XPNPEP3: variants seen among roughly 807,000 people sequenced by gnomAD.
XPNPEP3 encodes the protein X-prolyl aminopeptidase 3.
XPNPEP3 carries 41 observed loss-of-function variants against 60.0 expected under a neutral mutation model. That is an observed-to-expected ratio of 0.68 (90% confidence interval 0.53 to 0.89). XPNPEP3 has a LOEUF of 0.89. Among genes scored for constraint, XPNPEP3 ranks in the 40% least tolerant of loss-of-function variants. XPNPEP3 has a pLI of 0.00. For synonymous variants in XPNPEP3, 212 were observed against 223.2 expected, an observed-to-expected ratio of 0.95 and a Z score of 0.45; for missense variants, 598 against 638.9, an observed-to-expected ratio of 0.94 and a Z score of 0.69.
chr22:40,922,607 C>A, intron 8 of XPNPEP3, 94 bp downstream of exon 8: 1 of 1,436,752 alleles, frequency 7.0e-7, no homozygotes, highest in South Asian at 1.2e-5. Flanking sequence ...AGAAATGGGA[C>A]AGATGTAGTG....
intron 1 of XPNPEP3, among the ~76,000 whole-genome samples, chr22:40,859,070 T>C (rs951232361): frequency 4.6e-5 from 7 of 152,136 alleles, no homozygotes; most frequent in Non-Finnish European, 1.0e-4. Context: ...ATAGTCTAGG[T>C]TTCTGAGAGA....
At position 40,901,126 on chromosome 22, in the gene XPNPEP3, T is replaced by A. The variant is rs551804773; in HGVS notation, c.793-6461T>A. Among the ~76,000 whole-genome samples the A allele has an allele frequency of 2.0e-5, 3 of 151,374 alleles. No homozygotes were observed. The East Asian group carries it at 5.8e-4, about 29-fold the overall frequency. On this transcript the variant is annotated intron_variant, in intron 4 of 9. Coordinates refer to ENST00000357137, the MANE Select transcript of XPNPEP3 (RefSeq NM_022098.4). ...AAAAAGAATTTAAAATAAAAAACTT[T>A]AAAAAATTGTTTAAAAGGACACTAT...
intron 7 of XPNPEP3, 76 bp from the exon 8 acceptor site, chr22:40,922,257 C>A: frequency 6.4e-7 from 1 of 1,574,762 alleles, no homozygotes; most frequent in Non-Finnish European, 8.7e-7. Context: ...TGGGGTTTTT[C>A]TAATCAAACT....
At chr22:40,876,169 GAA>G (rs1185913515) in intron 2 of XPNPEP3, among the ~76,000 whole-genome samples, 3 of 152,142 alleles carry the variant, frequency 2.0e-5, no homozygotes, top group African/African-American at 7.2e-5. Flanking sequence ...GAATAATAAT[GAA>G]AAGTTTCTAA....
At chr22:40,896,817 C>T (rs13056402) in intron 4 of XPNPEP3, among the ~76,000 whole-genome samples, 2,588 of 152,256 alleles carry the variant, frequency 0.017, 32 homozygotes, top group Non-Finnish European at 0.028. Flanking sequence ...ATTCTTCCCT[C>T]CTCCCAGCCC....
intron 2 of XPNPEP3, chr22:40,870,074 T>C (rs1465647696): frequency 2.1e-6 from 1 of 471,070 alleles, no homozygotes; most frequent in African/African-American, 2.0e-5. Context: ...GGAAGTCGGC[T>C]GAAACTAAGG....
intron 4 of XPNPEP3, among the ~76,000 whole-genome samples, chr22:40,891,244 C>T (rs1418554626): frequency 1.3e-5 from 2 of 151,590 alleles, no homozygotes; most frequent in African/African-American, 4.9e-5. Context: ...CCTGTAGTCC[C>T]AGCTACTTGG....
At chr22:40,860,976 T>G in intron 1 of XPNPEP3, 1 of 1,245,912 alleles carries the variant, frequency 8.0e-7, no homozygotes, top group Non-Finnish European at 1.1e-6. Context: ...GAAAAGCTCT[T>G]AGTATAGTAT....
At chr22:40,879,820 T>A (rs1444758965) in intron 2 of XPNPEP3, among the ~76,000 whole-genome samples, 1 of 151,800 alleles carries the variant, frequency 6.6e-6, no homozygotes, top group Non-Finnish European at 1.5e-5. Flanking sequence ...CCAGCCTGGG[T>A]GACAGAGCAA....
chr22:40,866,954 G>A (rs2057981362), intron 1 of XPNPEP3, among the ~76,000 whole-genome samples: 1 of 152,168 alleles, frequency 6.6e-6, no homozygotes, highest in Non-Finnish European at 1.5e-5. Flanking sequence ...TGCCTAATGA[G>A]ATTACAGAAG....
chr22:40,877,274 T>C (rs2058031262), intron 2 of XPNPEP3, among the ~76,000 whole-genome samples: 1 of 152,204 alleles, frequency 6.6e-6, no homozygotes, highest in Admixed American at 6.5e-5. Context: ...ATTCTCCAAC[T>C]GCACAGTAAT....
At chr22:40,869,692 T>C (rs2057995920) in intron 2 of XPNPEP3, among the ~76,000 whole-genome samples, 2 of 152,238 alleles carry the variant, frequency 1.3e-5, no homozygotes, top group African/African-American at 2.4e-5. Flanking sequence ...TTTTTTTTTC[T>C]GCTATAAGAT....
intron 6 of XPNPEP3, among the ~76,000 whole-genome samples, chr22:40,912,574 A>T (rs1340789865): frequency 1.3e-5 from 2 of 152,180 alleles, no homozygotes; most frequent in African/African-American, 4.8e-5. Context: ...TTTAAAAAGT[A>T]AACATACAGG....
rs1447088533 is a variant in XPNPEP3 at position 40,919,279 on chromosome 22, G to A, written c.1056-3054G>A. On this transcript the variant is annotated intron_variant, in intron 7 of 9. Transcript: ENST00000357137. Reference sequence around the variant, plus strand: ...TAGAAGTACATTGTAAAAAGGCCAGGTGCAGTGGCTCACACCTGTAATCCC... The same window carrying A: ...TAGAAGTACATTGTAAAAAGGCCAGATGCAGTGGCTCACACCTGTAATCCC... Among the ~76,000 whole-genome samples, 3 of 152,186 alleles carry A rather than the reference G, an allele frequency of 2.0e-5. No individual in the cohort carries two copies. The East Asian group carries it at 5.8e-4, about 29-fold the overall frequency.
intron 2 of XPNPEP3, 51 bp downstream of exon 2, chr22:40,869,166 A>G (rs761687085): frequency 6.2e-6 from 9 of 1,462,550 alleles, no homozygotes; most frequent in South Asian, 2.3e-5. Flanking sequence ...GTCTAGAGCA[A>G]TGCTATGCAA....
At chr22:40,898,002 T>C (rs1160526175) in intron 4 of XPNPEP3, among the ~76,000 whole-genome samples, 2 of 152,074 alleles carry the variant, frequency 1.3e-5, no homozygotes, top group Non-Finnish European at 2.9e-5. Flanking sequence ...ATCCGGTATA[T>C]GGTTTGCAAA....
chr22:40,865,075 C>G (rs2057971547), intron 1 of XPNPEP3, among the ~76,000 whole-genome samples: 1 of 152,178 alleles, frequency 6.6e-6, no homozygotes, highest in Non-Finnish European at 1.5e-5. Flanking sequence ...CTTTGTTGAT[C>G]CTTTGCCTCC....
intron 4 of XPNPEP3, among the ~76,000 whole-genome samples, chr22:40,894,583 G>A (rs545542803): frequency 6.6e-6 from 1 of 152,244 alleles, no homozygotes; most frequent in Admixed American, 6.5e-5. Context: ...ACACTATACT[G>A]TTGGCAGCCA....
At chr22:40,885,180 G>A (rs551213122) in intron 3 of XPNPEP3, among the ~76,000 whole-genome samples, 1 of 152,182 alleles carries the variant, frequency 6.6e-6, no homozygotes, top group Admixed American at 6.5e-5. Context: ...TAGAATCAGT[G>A]CATATCCAAT....
Sources: gnomAD v4.1 joint callset for allele counts (sites outside exome capture counted in the v4.1 genomes callset) on GRCh38, gnomAD v4.1.1 for gene constraint, MANE v1.5 for transcripts, NCBI Gene and HGNC (gene_info 2026-07-23, HGNC 2026-07-21) for gene names.